Variants in ST8SIA6 observed in about 807,000 individuals in gnomAD.
The protein encoded by ST8SIA6 is ST8 alpha-N-acetyl-neuraminide alpha-2,8-sialyltransferase 6.
A neutral mutation model predicts 33.6 loss-of-function variants in ST8SIA6; 39 were observed. That is an observed-to-expected ratio of 1.16 (90% CI 0.90 to 1.52). The LOEUF (loss-of-function observed/expected upper bound fraction) is 1.52, where lower values mean the gene tolerates loss of function less well. Among genes scored for constraint, ST8SIA6 ranks in the 40% most tolerant of loss-of-function variants. The probability of loss-of-function intolerance (pLI) is 0.00; values close to 1 mark genes in which losing one functional copy is unlikely to be tolerated. For missense variants in ST8SIA6, 441 were observed against 443.8 expected (o/e 0.99, Z 0.06); for synonymous variants, 172 against 167.2 (o/e 1.03, Z -0.22).
At chr10:17,431,213 A>C (rs1361637436) in intron 2 of ST8SIA6, among the ~76,000 whole-genome samples, 1 of 152,206 alleles carries the variant, frequency 6.6e-6, no homozygotes, top group Non-Finnish European at 1.5e-5. Context: ...GAGGATGAGA[A>C]CTAGCCGCTG....
chr10:17,348,673 C>T (rs1162387940), intron 4 of ST8SIA6, among the ~76,000 whole-genome samples: 1 of 152,170 alleles, frequency 6.6e-6, no homozygotes, highest in Non-Finnish European at 1.5e-5. Flanking sequence ...AGGACGGCTC[C>T]CACGGTTCGC....
intron 3 of ST8SIA6, among the ~76,000 whole-genome samples, chr10:17,363,561 A>T (rs1459096436): frequency 6.6e-6 from 1 of 152,166 alleles, no homozygotes; most frequent in Non-Finnish European, 1.5e-5. Context: ...CTTTGTTGGC[A>T]TGGCATGGGT....
intron 3 of ST8SIA6, among the ~76,000 whole-genome samples, chr10:17,363,855 T>C (rs1339105191): frequency 6.6e-6 from 1 of 152,144 alleles, no homozygotes; most frequent in African/African-American, 2.4e-5. Flanking sequence ...TGTGAGCCTG[T>C]TGGGCTGGCT....
intron 3 of ST8SIA6, among the ~76,000 whole-genome samples, chr10:17,362,993 AGCCACCGT>A (rs1364214720): frequency 6.6e-6 from 1 of 152,132 alleles, no homozygotes; most frequent in Non-Finnish European, 1.5e-5. Context: ...TACAGGCCTG[AGCCACCGT>A]GCCTGGCCTG....
chr10:17,390,267 G>T (rs1421151994), intron 3 of ST8SIA6, among the ~76,000 whole-genome samples: 4 of 152,150 alleles, frequency 2.6e-5, no homozygotes, highest in African/African-American at 9.7e-5. Context: ...ACAGCCATGA[G>T]CCACCGCACC....
intron 6 of ST8SIA6, among the ~76,000 whole-genome samples, chr10:17,323,802 A>C (rs530284301): frequency 6.6e-6 from 1 of 152,288 alleles, no homozygotes; most frequent in African/African-American, 2.4e-5. Flanking sequence ...CTTTTATTAA[A>C]ATTGTTATTT....
intron 3 of ST8SIA6, among the ~76,000 whole-genome samples, chr10:17,370,034 G>A (rs1015609924): frequency 1.3e-5 from 2 of 149,820 alleles, no homozygotes; most frequent in Non-Finnish European, 3.0e-5. Context: ...CTCTGTCGCT[G>A]CAGTGGCATG....
intron 1 of ST8SIA6, among the ~76,000 whole-genome samples, chr10:17,453,939 G>A (rs538248682): frequency 6.6e-6 from 1 of 152,050 alleles, no homozygotes; most frequent in African/African-American, 2.4e-5. Flanking sequence ...AGCCCTGACC[G>A]GTCCCTCTGC....
intron 6 of ST8SIA6, among the ~76,000 whole-genome samples, chr10:17,324,708 T>TACACACACACACACAC (rs6143806): frequency 3.9e-4 from 54 of 140,024 alleles, no homozygotes; most frequent in African/African-American, 1.4e-3. Context: ...ATATAGAGTA[T>TACACACACACACACAC]ACACACACAC....
At chr10:17,417,144 A>G (rs1413639487) in intron 2 of ST8SIA6, among the ~76,000 whole-genome samples, 1 of 152,112 alleles carries the variant, frequency 6.6e-6, no homozygotes, top group African/African-American at 2.4e-5. Flanking sequence ...CATCACATGG[A>G]TAGAGAGAGA....
At chr10:17,347,599 C>T (rs142697041) in intron 4 of ST8SIA6, among the ~76,000 whole-genome samples, 237 of 152,130 alleles carry the variant, frequency 1.6e-3, no homozygotes, top group African/African-American at 5.4e-3. Context: ...TGCACCCATC[C>T]GGCTGCCTTC....
intron 2 of ST8SIA6, among the ~76,000 whole-genome samples, chr10:17,414,941 T>C (rs1363463862): frequency 6.6e-6 from 1 of 152,120 alleles, no homozygotes; most frequent in Non-Finnish European, 1.5e-5. Context: ...CAAAAATCAG[T>C]AACCCCCAGT....
At chr10:17,350,649 C>T (rs1401232803) in intron 4 of ST8SIA6, among the ~76,000 whole-genome samples, 2 of 146,558 alleles carry the variant, frequency 1.4e-5, no homozygotes, top group Admixed American at 1.4e-4. Context: ...TAGACACCAC[C>T]TTTTTTTTTT....
At chr10:17,346,407 A>G (rs1325780644) in intron 4 of ST8SIA6, among the ~76,000 whole-genome samples, 1 of 152,164 alleles carries the variant, frequency 6.6e-6, no homozygotes, top group East Asian at 1.9e-4. Context: ...TTGCCTGGGC[A>G]ACATAGGGAA....
At position 17,419,717 on chromosome 10, in the gene ST8SIA6, C is replaced by G. The variant is rs1440592095; in HGVS notation, c.201-29097G>C. Among the ~76,000 whole-genome samples the G allele has an allele frequency of 4.6e-5, 7 of 152,172 alleles. No individual in the cohort carries two copies. The East Asian group carries it at 1.3e-3, about 29-fold the overall frequency. On this transcript the variant is annotated intron_variant, in intron 2 of 7. Coordinates refer to ENST00000377602, the MANE Select transcript of ST8SIA6 (RefSeq NM_001004470.3). ...CTCAGGGAACAATATGCCATCTGCTCCAAACAGTGAGCATCATATCCCTTT... is the reference window on the plus strand; with the variant it reads ...CTCAGGGAACAATATGCCATCTGCTGCAAACAGTGAGCATCATATCCCTTT...
At chr10:17,419,565 T>C (rs1380840994) in intron 2 of ST8SIA6, among the ~76,000 whole-genome samples, 2 of 146,352 alleles carry the variant, frequency 1.4e-5, no homozygotes, top group African/African-American at 4.9e-5. Flanking sequence ...ACAAAAAAAA[T>C]AACGACTCCA....
chr10:17,443,352 A>T (rs947961212), intron 2 of ST8SIA6, among the ~76,000 whole-genome samples: 1 of 152,232 alleles, frequency 6.6e-6, no homozygotes, highest in Non-Finnish European at 1.5e-5. Flanking sequence ...TAAAGACAGC[A>T]TTCCAACAGA....
chr10:17,434,610 C>G (rs1588922057), intron 2 of ST8SIA6, among the ~76,000 whole-genome samples: 1 of 152,124 alleles, frequency 6.6e-6, no homozygotes, highest in East Asian at 1.9e-4. Flanking sequence ...CTTAATGAAA[C>G]TCAGGGTGAA....
chr10:17,359,753 C>G (rs906641737), intron 3 of ST8SIA6, among the ~76,000 whole-genome samples, 153 bp from the exon 4 acceptor site: 7 of 151,912 alleles, frequency 4.6e-5, no homozygotes, highest in Non-Finnish European at 8.8e-5. Flanking sequence ...TTTCAAAACA[C>G]TGAGAAAATA....
Sources: allele counts gnomAD v4.1 joint callset (sites outside exome capture counted in the v4.1 genomes callset), GRCh38; gene constraint gnomAD v4.1.1; transcripts MANE v1.5; gene names NCBI Gene and HGNC (gene_info 2026-07-23, HGNC 2026-07-21).